MRTFB: variants seen among roughly 807,000 people sequenced by gnomAD.
MRTFB encodes the protein myocardin-related transcription factor B.
MRTFB carries 29 observed loss-of-function variants against 104.2 expected under a neutral mutation model. The ratio of observed to expected loss-of-function variants is 0.28; its 90% CI spans 0.21 to 0.38. MRTFB has a LOEUF of 0.38. MRTFB is among the 10% of genes least tolerant of loss of function. The probability of loss-of-function intolerance (pLI) is 1.00; values close to 1 mark genes in which losing one functional copy is unlikely to be tolerated. For missense variants in MRTFB, 1,270 were observed against 1,341.6 expected (o/e 0.95, Z 0.83); for synonymous variants, 535 against 519.5 (o/e 1.03, Z -0.41).
At chr16:14,092,408 G>C (rs1056118032) in intron 2 of MRTFB, among the ~76,000 whole-genome samples, 1 of 152,172 alleles carries the variant, frequency 6.6e-6, no homozygotes, top group Non-Finnish European at 1.5e-5. Context: ...GGAGTTATCT[G>C]TGTAGGGCTA....
chr16:14,140,619 G>A lies in MRTFB; in HGVS notation c.13G>A (p.Gly5Arg). The A allele has an allele frequency of 6.2e-7, 1 of 1,614,142 alleles. No individual in the cohort carries two copies. The highest frequency in any genetic ancestry group is 8.5e-7 in the Non-Finnish European group (1 of 1,180,030). Residue 5 changes from glycine (G) to arginine (R), a missense_variant, in exon 3 of 17, where the codon GGG becomes AGG. This residue lies in a region of MRTFB where 62 missense variants were observed against 57.2 expected (regional missense o/e 1.08). Transcript: ENST00000571589. Reference protein sequence around the residue: MDHTGAIDTEDEVGP... With the variant: MDHTRAIDTEDEVGP... ...TGGCTGGAACACAATGGATCACACA[G>A]GGGCGATAGACACCGAGGATGAAGT...
chr16:13,999,910 C>T, the MRTFB span, among the ~76,000 whole-genome samples: 1 of 152,162 alleles, frequency 6.6e-6, no homozygotes, highest in African/African-American at 2.4e-5. Context: ...CTCCTCTGCA[C>T]CTTCAGTTTC....
At chr16:14,092,733 A>C (rs1431245089) in intron 2 of MRTFB, 1 of 152,184 alleles carries the variant, frequency 6.6e-6, no homozygotes, top group Non-Finnish European at 1.5e-5. Context: ...CACTCCTGTA[A>C]ACTCTCACAA....
chr16:14,069,487 T>C (rs908622126), upstream of MRTFB, among the ~76,000 whole-genome samples: 2 of 152,182 alleles, frequency 1.3e-5, no homozygotes, highest in African/African-American at 4.8e-5. Context: ...TGAATCTATA[T>C]AGTTTTTTCT....
chr16:14,151,213 T>G (rs920931905), intron 3 of MRTFB: 2 of 152,208 alleles, frequency 1.3e-5, no homozygotes, highest in African/African-American at 4.8e-5. Flanking sequence ...TATGTAAGTT[T>G]TGGTAAATTT....
At chr16:14,165,336 G>T (rs1295392059) in intron 3 of MRTFB, among the ~76,000 whole-genome samples, 1 of 152,124 alleles carries the variant, frequency 6.6e-6, no homozygotes, top group Non-Finnish European at 1.5e-5. Context: ...TTCCTTTCTA[G>T]TCTGATGCTC....
intron 3 of MRTFB, chr16:14,200,687 T>C: frequency 1.3e-6 from 2 of 1,543,834 alleles, no homozygotes; most frequent in Non-Finnish European, 1.8e-6. Flanking sequence ...TAGAAAGGAG[T>C]CCTCTCAAGA....
chr16:14,245,396 T>G (rs2042968405), intron 10 of MRTFB, 132 bp from the exon 11 acceptor site: 3 of 732,096 alleles, frequency 4.1e-6, no homozygotes, highest in Non-Finnish European at 4.2e-6. Context: ...ATTGGCATCT[T>G]TACAATATTC....
At position 14,261,536 on chromosome 16, in the gene MRTFB, G is replaced by A; in HGVS notation, c.*92G>A. 1 of 1,282,280 alleles carries A rather than the reference G, an allele frequency of 7.8e-7. No homozygotes were observed. Among genetic ancestry groups the A allele is most frequent in the Non-Finnish European group, 1.1e-6 (1 of 932,164 alleles). 79.4% of individuals were successfully genotyped at this position (1,282,280 alleles called of 1,614,324 possible). On this transcript the variant is annotated 3_prime_UTR_variant, in exon 17 of 17. Transcript: ENST00000571589. The stretch of plus-strand genomic sequence containing the variant: ...TTAGAGATAGATCTATAGTTGCATT[G>A]TTGCAATCAAAATATGTTGTCACAG...
intron 1 of MRTFB, among the ~76,000 whole-genome samples, chr16:14,077,140 A>C (rs1020338763): frequency 6.6e-6 from 1 of 152,224 alleles, no homozygotes; most frequent in Non-Finnish European, 1.5e-5. Flanking sequence ...TTATGTACTT[A>C]ACATTAATCT....
chr16:14,119,869 G>T (rs1224152307), intron 2 of MRTFB, among the ~76,000 whole-genome samples: 2 of 152,178 alleles, frequency 1.3e-5, no homozygotes, highest in East Asian at 3.8e-4. Flanking sequence ...AACAGCTGAC[G>T]TGTAGGGTCC....
At chr16:14,017,691 A>G in the MRTFB span, among the ~76,000 whole-genome samples, 17,748 of 30,642 alleles carry the variant, frequency 0.58, 5,910 homozygotes, top group South Asian at 0.75. Flanking sequence ...GTGTGTGTAT[A>G]TATATATATA....
chr16:14,150,982 C>T (rs1166446633), intron 3 of MRTFB: 1 of 152,180 alleles, frequency 6.6e-6, no homozygotes, highest in Non-Finnish European at 1.5e-5. Context: ...CAAGAGATTA[C>T]TTTTTACTTC....
At position 14,200,297 on chromosome 16, in the gene MRTFB, C is replaced by G. The variant is rs1244781135; in HGVS notation, c.155-9946C>G. 8 of 1,599,332 alleles carry G rather than the reference C, an allele frequency of 5.0e-6. No individual in the cohort carries two copies. In the African/African-American group the frequency reaches 9.4e-5, roughly 19 times the overall value. On this transcript the variant is annotated intron_variant, in intron 3 of 16. Coordinates refer to ENST00000571589, the MANE Select transcript of MRTFB (RefSeq NM_001308142.2). ...AAGAGCTAGATTCTGAGTTCCGACC[C>G]GGACCCGTACGCTGCTGCGCTGACG... is the stretch of plus-strand genomic sequence containing the variant.
chr16:14,083,144 T>A (rs1325409425), intron 2 of MRTFB, among the ~76,000 whole-genome samples: 4 of 152,212 alleles, frequency 2.6e-5, no homozygotes, highest in Non-Finnish European at 5.9e-5. Context: ...TCTTGATTTT[T>A]TTTTCAGATA....
intron 8 of MRTFB, among the ~76,000 whole-genome samples, chr16:14,223,794 G>T (rs2041862623): frequency 6.6e-6 from 1 of 152,150 alleles, no homozygotes; most frequent in South Asian, 2.1e-4. Flanking sequence ...GGCAAATACA[G>T]TAATTAAAGA....
intron 15 of MRTFB, among the ~76,000 whole-genome samples, chr16:14,254,526 G>C (rs1032664282): frequency 6.6e-6 from 1 of 152,234 alleles, no homozygotes; most frequent in African/African-American, 2.4e-5. Context: ...GAAAAAGCCA[G>C]AGAGGAGATC....
chr16:14,165,762 C>G (rs1597129460), intron 3 of MRTFB, among the ~76,000 whole-genome samples: 1 of 152,080 alleles, frequency 6.6e-6, no homozygotes, highest in Admixed American at 6.5e-5. Context: ...CTTAGTTTGT[C>G]GTTCTGAGCC....
In MRTFB at chr16:14,261,522, T is replaced by G; in HGVS notation, c.*78T>G. The G allele has an allele frequency of 7.3e-7, 1 of 1,364,620 alleles. No homozygotes were observed. The highest frequency in any genetic ancestry group is 1.0e-6 in the Non-Finnish European group (1 of 999,950). 84.5% of individuals were successfully genotyped at this position (1,364,620 alleles called of 1,614,324 possible). On this transcript the variant is annotated 3_prime_UTR_variant, in exon 17 of 17. Transcript: ENST00000571589. The stretch of plus-strand genomic sequence containing the variant: ...TAAAAGGTCAGTTTTTAGAGATAGA[T>G]CTATAGTTGCATTGTTGCAATCAAA...
Sources: allele counts gnomAD v4.1 joint callset (sites outside exome capture counted in the v4.1 genomes callset), GRCh38; gene constraint gnomAD v4.1.1; regional missense constraint gnomAD v4.1.1; transcripts MANE v1.5; gene names NCBI Gene and HGNC (gene_info 2026-07-23, HGNC 2026-07-21).